NAP1L4: variants seen among roughly 807,000 people sequenced by gnomAD.
NAP1L4 encodes nucleosome assembly protein 1 like 4, also known as nucleosome assembly protein 1-like 4.
In NAP1L4, 15 loss-of-function variants were observed where a neutral mutation model predicts 58.2. That is an observed-to-expected ratio of 0.26 (90% CI 0.17 to 0.40). The LOEUF is 0.40. NAP1L4 is among the 10% of genes least tolerant of loss of function. The pLI is 1.00. For missense variants in NAP1L4, 384 were observed against 451.1 expected, an observed-to-expected ratio of 0.85 and a Z score of 1.35; for synonymous variants, 171 against 155.6, an observed-to-expected ratio of 1.10 and a Z score of -0.74.
At chr11:2,972,824 A>G (rs1443995809) in intron 4 of NAP1L4, among the ~76,000 whole-genome samples, 5 of 152,276 alleles carry the variant, frequency 3.3e-5, no homozygotes, top group Middle Eastern at 3.4e-3. Flanking sequence ...TTAAAAAATT[A>G]GCAAGGCATG....
At chr11:2,976,460 G>A (rs1407206655) in intron 3 of NAP1L4, among the ~76,000 whole-genome samples, 10 of 152,090 alleles carry the variant, frequency 6.6e-5, no homozygotes, top group Non-Finnish European at 1.3e-4. Flanking sequence ...CTACCCCCAA[G>A]TCCCATGGTG....
At chr11:2,976,247 A>C in intron 3 of NAP1L4, 124 bp from the exon 4 acceptor site, 1 of 635,164 alleles carries the variant, frequency 1.6e-6, no homozygotes, top group Non-Finnish European at 2.7e-6. Context: ...TTCTAAATAC[A>C]TACACCAGTG....
intron 8 of NAP1L4, among the ~76,000 whole-genome samples, 195 bp downstream of exon 8, chr11:2,964,485 C>A (rs1847138675): frequency 6.6e-6 from 1 of 152,160 alleles, no homozygotes; most frequent in South Asian, 2.1e-4. Flanking sequence ...GCAATGGGAT[C>A]CCCATCGAAC....
At position 2,945,397 on chromosome 11, in the gene NAP1L4, C is replaced by T; in HGVS notation, c.*282G>A. On this transcript the variant is annotated 3_prime_UTR_variant, in exon 16 of 16. Coordinates refer to ENST00000380542, the MANE Select transcript of NAP1L4 (RefSeq NM_005969.4). ...AGGCTGCAGAGGGTGCTGGACGAAA[C>T]CTCCTATTTCTGAAATGCATTTCAG... 1 of 561,624 alleles carries T rather than the reference C, an allele frequency of 1.8e-6. No individual in the cohort carries two copies. The highest frequency in any genetic ancestry group is 2.2e-5 in the South Asian group (1 of 44,776). 34.8% of individuals were successfully genotyped at this position (561,624 alleles called of 1,614,324 possible). A position where few individuals can be genotyped will look rare whatever the true frequency, so the allele number is the denominator to read the frequency against.
At chr11:2,986,290 C>G (rs1487386713) in intron 1 of NAP1L4, among the ~76,000 whole-genome samples, 1 of 151,414 alleles carries the variant, frequency 6.6e-6, no homozygotes, top group Non-Finnish European at 1.5e-5. Flanking sequence ...AGGAGAACTG[C>G]TTGAACCTGG....
chr11:2,975,021 A>T (rs1490076817), intron 4 of NAP1L4, among the ~76,000 whole-genome samples: 3 of 151,944 alleles, frequency 2.0e-5, no homozygotes, highest in African/African-American at 7.3e-5. Flanking sequence ...AAAAATAAAA[A>T]ATAAATGTCC....
intron 1 of NAP1L4, among the ~76,000 whole-genome samples, chr11:2,985,856 C>A (rs1848585015): frequency 6.6e-6 from 1 of 152,140 alleles, no homozygotes. Flanking sequence ...AATTTTCACC[C>A]AGTTAATTGG....
At position 2,951,247 on chromosome 11, in the gene NAP1L4, A is replaced by G. The variant is rs571943216; in HGVS notation, c.1122+12T>C. ...ATAATAAGTAGGTCTGGGTGGCCCC[A>G]AAGTTACCAACCTTGGGGTTAATTT... On this transcript the variant is annotated intron_variant, in intron 14 of 15. Coordinates refer to ENST00000380542, the MANE Select transcript of NAP1L4 (RefSeq NM_005969.4). The surrounding 1 kb of genome is among the most constrained non-coding windows in gnomAD (Gnocchi z 4.0). 1 of 1,613,378 alleles carries G rather than the reference A, an allele frequency of 6.2e-7. No homozygotes were observed. The highest frequency in any genetic ancestry group is 1.3e-5 in the African/African-American group (1 of 75,020).
rs1846218919 is a variant in NAP1L4, at chr11:2,951,366, T to C, written c.1066-51A>G. 2 of 1,526,020 alleles carry C rather than the reference T, an allele frequency of 1.3e-6. No homozygotes were observed. The highest frequency in any genetic ancestry group is 1.7e-5 in the Admixed American group (1 of 59,558). 94.5% of individuals were successfully genotyped at this position (1,526,020 alleles called of 1,614,324 possible). On this transcript the variant is annotated intron_variant, in intron 13 of 15. Coordinates refer to ENST00000380542, the MANE Select transcript of NAP1L4 (RefSeq NM_005969.4). The surrounding 1 kb of genome is among the most constrained non-coding windows in gnomAD (Gnocchi z 4.0). Reference sequence around the variant, plus strand: ...TGGAATGACAAGATTTAAACTCTTGTGGCATTCACAATCCACAAACACAAG... The same window carrying C: ...TGGAATGACAAGATTTAAACTCTTGCGGCATTCACAATCCACAAACACAAG...
intron 15 of NAP1L4, among the ~76,000 whole-genome samples, chr11:2,947,342 A>C (rs998897704): frequency 6.6e-6 from 1 of 152,234 alleles, no homozygotes; most frequent in Non-Finnish European, 1.5e-5. Flanking sequence ...TGCTAGAGGG[A>C]ATAGAGTCCG....
At chr11:2,988,540 A>C (rs567907096) in intron 1 of NAP1L4, among the ~76,000 whole-genome samples, 3 of 152,354 alleles carry the variant, frequency 2.0e-5, no homozygotes, top group African/African-American at 7.2e-5. Flanking sequence ...AAACAGATGC[A>C]AATCACTGAA....
At position 2,949,651 on chromosome 11, in the gene NAP1L4, A is replaced by AGC. The variant is rs1443785340; in HGVS notation, c.1123-388_1123-387insGC. ...ACATGTTTTTAGTCCCTTCTCCCCC[A>AGC]ACCAACATAACCGTTTATCAAAGGT... On this transcript the variant is annotated intron_variant, in intron 14 of 15. Coordinates refer to ENST00000380542, the MANE Select transcript of NAP1L4 (RefSeq NM_005969.4). The surrounding 1 kb of genome is among the most constrained non-coding windows in gnomAD (Gnocchi z 4.0). Among the ~76,000 whole-genome samples the AGC allele has an allele frequency of 2.0e-5, 3 of 152,160 alleles. No homozygotes were observed. Among genetic ancestry groups the AGC allele is most frequent in the Non-Finnish European group, 2.9e-5 (2 of 68,022 alleles).
intron 7 of NAP1L4, among the ~76,000 whole-genome samples, chr11:2,968,706 G>A (rs902942942): frequency 6.6e-6 from 1 of 152,178 alleles, no homozygotes; most frequent in Non-Finnish European, 1.5e-5. Flanking sequence ...TCTGTGATGG[G>A]AGAAGCACTC....
intron 1 of NAP1L4, among the ~76,000 whole-genome samples, chr11:2,987,756 C>CAAAA (rs57754393): frequency 0.011 from 777 of 70,312 alleles, 30 homozygotes; most frequent in Middle Eastern, 0.021. Context: ...GACTCCACCT[C>CAAAA]AAAAAAAAAA....
chr11:2,953,777 G>C (rs1411450204), intron 12 of NAP1L4, among the ~76,000 whole-genome samples: 1 of 152,222 alleles, frequency 6.6e-6, no homozygotes, highest in Non-Finnish European at 1.5e-5. Flanking sequence ...ACCCACCTAA[G>C]CTCTTGCCGC....
chr11:2,987,303 T>C (rs1391708140), intron 1 of NAP1L4, among the ~76,000 whole-genome samples: 1 of 151,796 alleles, frequency 6.6e-6, no homozygotes, highest in Non-Finnish European at 1.5e-5. Context: ...GGGTTTTTTG[T>C]TGTTGTTGTT....
At chr11:2,970,855 C>CA (rs1847598599) in intron 6 of NAP1L4, among the ~76,000 whole-genome samples, 1 of 111,786 alleles carries the variant, frequency 8.9e-6, no homozygotes, top group Non-Finnish European at 2.0e-5. Context: ...ACCACCCCCC[C>CA]CCCAAAAAAA....
intron 10 of NAP1L4, among the ~76,000 whole-genome samples, chr11:2,957,904 A>G (rs1034394680): frequency 6.6e-6 from 1 of 152,240 alleles, no homozygotes; most frequent in African/African-American, 2.4e-5. Context: ...GACTAAGCAG[A>G]TGATCCAAAA....
intron 1 of NAP1L4, chr11:2,991,070 G>T (rs926774123): frequency 4.4e-6 from 2 of 456,368 alleles, no homozygotes; most frequent in Admixed American, 4.7e-5. Flanking sequence ...AAGCACAGAC[G>T]AATGTGCCCC....
Sources: allele counts gnomAD v4.1 joint callset (sites outside exome capture counted in the v4.1 genomes callset), GRCh38; gene constraint gnomAD v4.1.1; non-coding constraint Gnocchi (gnomAD v3.1); transcripts MANE v1.5; gene names NCBI Gene and HGNC (gene_info 2026-07-23, HGNC 2026-07-21).